HDAC8: variants seen among roughly 807,000 people sequenced by gnomAD.
The protein encoded by HDAC8 is histone deacetylase 8.
Under a neutral mutation model 32.2 loss-of-function variants are expected in HDAC8, and 1 was observed. The ratio of observed to expected loss-of-function variants is 0.03; its 90% confidence interval spans 0.01 to 0.15. HDAC8 has a LOEUF of 0.15. HDAC8 is among the 10% of genes least tolerant of loss of function. The probability of loss-of-function intolerance (pLI) is 1.00; values close to 1 mark genes in which losing one functional copy is unlikely to be tolerated. For synonymous variants in HDAC8, 108 were observed against 113.9 expected, an observed-to-expected ratio of 0.95 and a Z score of 0.33; for missense variants, 117 against 300.0, an observed-to-expected ratio of 0.39 and a Z score of 4.51.
Position 72,499,459 on chromosome X carries a change from A to T in HDAC8, c.438-4191T>A, listed in dbSNP as rs1286992418. Among the ~76,000 whole-genome samples, 4 of 112,159 alleles carry T rather than the reference A, an allele frequency of 3.6e-5. No individual in the cohort carries two copies. The East Asian group carries it at 1.1e-3, about 31-fold the overall frequency. On this transcript the variant is annotated intron_variant, in intron 4 of 10. Transcript: ENST00000373573. ...CACTCTTGGGACACAGCACAGTAAA[A>T]ATAGAAGTCAAGACTGAGAAAATCA...
chrX:72,483,195 G>A (rs782475956), intron 7 of HDAC8, among the ~76,000 whole-genome samples: 1 of 111,722 alleles, frequency 9.0e-6, no homozygotes, highest in Non-Finnish European at 1.9e-5. Flanking sequence ...TCCTTCTTGT[G>A]GTTAATGTTT....
chrX:72,400,133 T>G (rs919157575), intron 9 of HDAC8, among the ~76,000 whole-genome samples: 20 of 111,838 alleles, frequency 1.8e-4, no homozygotes, highest in Non-Finnish European at 3.2e-4. Flanking sequence ...CTTTGCTAGT[T>G]CTTCCTCATT....
chrX:72,457,357 A>G (rs2047747843), intron 9 of HDAC8, among the ~76,000 whole-genome samples: 2 of 112,307 alleles, frequency 1.8e-5, no homozygotes, highest in Non-Finnish European at 3.8e-5. Flanking sequence ...GGAGGTCCCA[A>G]CCAGTGAAAA....
At chrX:72,482,568 G>A (rs989193540) in intron 7 of HDAC8, among the ~76,000 whole-genome samples, 2 of 109,216 alleles carry the variant, frequency 1.8e-5, no homozygotes, top group Non-Finnish European at 3.8e-5. Flanking sequence ...TGTGGATCAT[G>A]TGGTTCATTT....
At chrX:72,380,788 AAAC>A (rs1166113455) in intron 9 of HDAC8, among the ~76,000 whole-genome samples, 2 of 112,218 alleles carry the variant, frequency 1.8e-5, no homozygotes, top group Non-Finnish European at 3.8e-5. Flanking sequence ...AATAAAAAAA[AAAC>A]AAGTGAAATT....
At chrX:72,482,798 T>G (rs2048550178) in intron 7 of HDAC8, among the ~76,000 whole-genome samples, 1 of 112,100 alleles carries the variant, frequency 8.9e-6, no homozygotes, top group Non-Finnish European at 1.9e-5. Context: ...TGTGAGACCT[T>G]AAGCAAGTCA....
intron 9 of HDAC8, among the ~76,000 whole-genome samples, chrX:72,445,255 A>G (rs1602890632): frequency 1.8e-5 from 2 of 110,448 alleles, no homozygotes; most frequent in East Asian, 5.7e-4. Context: ...ACAAAGCTGG[A>G]GGCATCACGC....
At chrX:72,437,199 C>T (rs1331800251) in intron 9 of HDAC8, among the ~76,000 whole-genome samples, 1 of 111,622 alleles carries the variant, frequency 9.0e-6, no homozygotes, top group Non-Finnish European at 1.9e-5. Context: ...TGAGCTGAAG[C>T]AGGGTGGGGT....
At chrX:72,572,565 G>T in intron 1 of HDAC8, 86 bp downstream of exon 1, 2 of 643,933 alleles carry the variant, frequency 3.1e-6, no homozygotes, top group Non-Finnish European at 4.8e-6. Flanking sequence ...CCAGCCCAGT[G>T]TCCTCTCCGC....
intron 9 of HDAC8, among the ~76,000 whole-genome samples, chrX:72,416,324 A>G: frequency 1.1e-5 from 1 of 92,547 alleles, no homozygotes; most frequent in Non-Finnish European, 2.1e-5. Context: ...AGAATGCTGT[A>G]TTTTGCTAGT....
intron 9 of HDAC8, among the ~76,000 whole-genome samples, chrX:72,387,808 A>T (rs184316358): frequency 2.6e-3 from 292 of 111,786 alleles, no homozygotes; most frequent in African/African-American, 8.9e-3. Context: ...GGGGAGGATC[A>T]GACAGTTTTT....
At chrX:72,449,540 C>T (rs188754736) in intron 9 of HDAC8, among the ~76,000 whole-genome samples, 6 of 109,998 alleles carry the variant, frequency 5.5e-5, no homozygotes, top group Admixed American at 3.9e-4. Flanking sequence ...CCAACCTGCA[C>T]GTTCTGCATG....
intron 4 of HDAC8, among the ~76,000 whole-genome samples, chrX:72,525,191 A>G (rs2050101751): frequency 8.9e-6 from 1 of 112,270 alleles, no homozygotes; most frequent in African/African-American, 3.2e-5. Context: ...TGTCTACCCC[A>G]TGAGATTAAG....
intron 9 of HDAC8, among the ~76,000 whole-genome samples, chrX:72,372,261 C>G (rs1555956633): frequency 1.8e-5 from 2 of 111,418 alleles, no homozygotes; most frequent in Non-Finnish European, 3.8e-5. Context: ...CTTCCTTCTT[C>G]CTACCTCCAC....
chrX:72,504,047 T>C (rs1377503840), intron 4 of HDAC8, among the ~76,000 whole-genome samples: 1 of 112,460 alleles, frequency 8.9e-6, no homozygotes, highest in Non-Finnish European at 1.9e-5. Context: ...AGATTCCTTA[T>C]GAAAACTTTG....
chrX:72,504,198 T>A (rs2049313883), intron 4 of HDAC8, among the ~76,000 whole-genome samples: 1 of 112,073 alleles, frequency 8.9e-6, no homozygotes, highest in Admixed American at 9.5e-5. Flanking sequence ...TAAAATTAAT[T>A]ATTTTAAAGT....
intron 9 of HDAC8, among the ~76,000 whole-genome samples, chrX:72,352,537 C>G (rs2044213608): frequency 9.0e-6 from 1 of 111,350 alleles, no homozygotes; most frequent in Non-Finnish European, 1.9e-5. Context: ...ACTGTCAGCT[C>G]CCCGAAGGCA....
At chrX:72,365,707 T>C (rs926937135) in intron 9 of HDAC8, among the ~76,000 whole-genome samples, 1 of 112,069 alleles carries the variant, frequency 8.9e-6, no homozygotes, top group Non-Finnish European at 1.9e-5. Flanking sequence ...CCAACACAGC[T>C]CTGTAAGCAA....
chrX:72,355,182 G>A (rs868985378), intron 9 of HDAC8, among the ~76,000 whole-genome samples: 2 of 112,164 alleles, frequency 1.8e-5, no homozygotes, highest in African/African-American at 6.5e-5. Flanking sequence ...ACTTACTGGC[G>A]AGGTGGAAAG....
Sources: gnomAD v4.1 joint callset for allele counts (sites outside exome capture counted in the v4.1 genomes callset) on GRCh38, gnomAD v4.1.1 for gene constraint, MANE v1.5 for transcripts, NCBI Gene and HGNC (gene_info 2026-07-23, HGNC 2026-07-21) for gene names.